ACTL8: variants seen among roughly 807,000 people sequenced by gnomAD.
ACTL8 encodes the protein actin-like protein 8.
In ACTL8, 3 loss-of-function variants were observed where a neutral mutation model predicts 9.3. The ratio of observed to expected loss-of-function variants is 0.32; its 90% CI spans 0.15 to 0.83. ACTL8 has a LOEUF of 0.83. Ranked by LOEUF, ACTL8 falls within the 40% of genes least tolerant of loss-of-function variation. The pLI, the probability that ACTL8 is intolerant of heterozygous loss-of-function variation, is 0.57. For synonymous variants in ACTL8, 224 were observed against 205.9 expected, an observed-to-expected ratio of 1.09 and a Z score of -0.75; for missense variants, 381 against 492.2, an observed-to-expected ratio of 0.77 and a Z score of 2.14.
chr1:17,810,029 C>T (rs1464821747), intron 1 of ACTL8, among the ~76,000 whole-genome samples: 3 of 152,038 alleles, frequency 2.0e-5, no homozygotes, highest in Non-Finnish European at 2.9e-5. Flanking sequence ...TGGATTATTC[C>T]CATCAGCATA....
chr1:17,808,537 T>C (rs527924942), intron 1 of ACTL8, among the ~76,000 whole-genome samples: 1 of 152,354 alleles, frequency 6.6e-6, no homozygotes, highest in South Asian at 2.1e-4. Context: ...CTGTCACTTC[T>C]CTAAGCCTCA....
chr1:17,766,465 C>T lies in ACTL8; in HGVS notation c.-25+10961C>T, dbSNP rs1008935145. Among the ~76,000 whole-genome samples, 6 of 152,194 alleles carry T rather than the reference C, an allele frequency of 3.9e-5. No homozygotes were observed. The East Asian group carries it at 1.2e-3, about 29-fold the overall frequency. Reference sequence around the variant, plus strand: ...TGGGACCTCTTCTGTGCAAATATCCCATTCAAGAGGGCCTCCTGATTATTC... The same window carrying T: ...TGGGACCTCTTCTGTGCAAATATCCTATTCAAGAGGGCCTCCTGATTATTC... On this transcript the variant is annotated intron_variant, in intron 1 of 2. Coordinates refer to ENST00000375406, the MANE Select transcript of ACTL8 (RefSeq NM_030812.3).
At chr1:17,795,560 T>G (rs1369858054) in intron 1 of ACTL8, among the ~76,000 whole-genome samples, 2 of 146,392 alleles carry the variant, frequency 1.4e-5, no homozygotes, top group African/African-American at 5.1e-5. Flanking sequence ...GAAGAAAGAT[T>G]TAGGAGCAAT....
At chr1:17,816,216 T>TTTTTTTTTTTA (rs2066425335) in intron 1 of ACTL8, among the ~76,000 whole-genome samples, 1 of 148,492 alleles carries the variant, frequency 6.7e-6, no homozygotes, top group African/African-American at 2.5e-5. Context: ...TTTTTTTTTT[T>TTTTTTTTTTTA]GAGACCAGGT....
intron 1 of ACTL8, among the ~76,000 whole-genome samples, chr1:17,802,933 C>T (rs371424920): frequency 1.2e-4 from 18 of 152,098 alleles, no homozygotes; most frequent in South Asian, 2.1e-4. Context: ...TGCAGTAAGC[C>T]GAGATCGTGC....
intron 1 of ACTL8, among the ~76,000 whole-genome samples, chr1:17,794,730 C>T (rs1002511135): frequency 6.6e-6 from 1 of 152,174 alleles, no homozygotes; most frequent in Non-Finnish European, 1.5e-5. Flanking sequence ...TTGTCATAAG[C>T]CAATGTTGCC....
Position 17,826,819 on chromosome 1 carries a change from A to G in ACTL8, c.*300A>G. 4.1e-6 allele frequency: 1 copy of G among 242,342 alleles called. No individual in the cohort carries two copies. Among genetic ancestry groups the G allele is most frequent in the Non-Finnish European group, 7.9e-6 (1 of 126,306 alleles). The allele number at this position is 242,342 out of a possible 1,614,324, so 15.0% of individuals were successfully genotyped here. A position where few individuals can be genotyped will look rare whatever the true frequency, so the allele number is the denominator to read the frequency against. On this transcript the variant is annotated 3_prime_UTR_variant, in exon 3 of 3. Coordinates refer to ENST00000375406, the MANE Select transcript of ACTL8 (RefSeq NM_030812.3). This position sits in a 1 kb window ranked among gnomAD's most constrained non-coding sequence, Gnocchi z 4.5. Reference sequence around the variant, plus strand: ...CCATCTCCATGCCTGAGAGCCACTGATTTTTCATTGGCATTTCCCCTGGTT... The same window carrying G: ...CCATCTCCATGCCTGAGAGCCACTGGTTTTTCATTGGCATTTCCCCTGGTT...
intron 1 of ACTL8, among the ~76,000 whole-genome samples, chr1:17,761,390 G>A (rs1208441334): frequency 1.3e-5 from 2 of 152,106 alleles, no homozygotes; most frequent in Admixed American, 6.5e-5. Flanking sequence ...TCCGGGGACT[G>A]AGCTGGGCCG....
chr1:17,826,171 G>A lies in ACTL8; in HGVS notation c.753G>A (p.Met251Ile). ...GCTCCCGCGTGGAGCTGACCCCCATGCAGCGGGTGGCTCCTGAGATGTTCT... is the reference window on the plus strand; with the variant it reads ...GCTCCCGCGTGGAGCTGACCCCCATACAGCGGGTGGCTCCTGAGATGTTCT... ...PDGSRVELTP[M>I]QRVAPEMFFS... Residue 251 changes from methionine (M) to isoleucine (I), a missense_variant, in exon 3 of 3, where the codon ATG becomes ATA. Coordinates refer to ENST00000375406, the MANE Select transcript of ACTL8 (RefSeq NM_030812.3). This position sits in a 1 kb window ranked among gnomAD's most constrained non-coding sequence, Gnocchi z 4.5. 2 of 1,613,042 alleles carry A rather than the reference G, an allele frequency of 1.2e-6. No homozygotes were observed. The highest frequency in any genetic ancestry group is 1.7e-6 in the Non-Finnish European group (2 of 1,179,814).
At chr1:17,761,454 T>C (rs911606891) in intron 1 of ACTL8, among the ~76,000 whole-genome samples, 1 of 152,140 alleles carries the variant, frequency 6.6e-6, no homozygotes. Flanking sequence ...TGGCACAGAC[T>C]CTGTGTGATC....
At chr1:17,784,290 T>C (rs1209759878) in intron 1 of ACTL8, among the ~76,000 whole-genome samples, 1 of 152,164 alleles carries the variant, frequency 6.6e-6, no homozygotes, top group East Asian at 1.9e-4. Flanking sequence ...ACTCACTATC[T>C]TGAGGACAGC....
At chr1:17,764,402 T>A (rs1296943566) in intron 1 of ACTL8, among the ~76,000 whole-genome samples, 1 of 152,208 alleles carries the variant, frequency 6.6e-6, no homozygotes, top group Non-Finnish European at 1.5e-5. Context: ...GGACTGGTCA[T>A]AAAGTCAGCC....
At chr1:17,774,311 G>C (rs112361628) in intron 1 of ACTL8, among the ~76,000 whole-genome samples, 3 of 152,164 alleles carry the variant, frequency 2.0e-5, no homozygotes, top group African/African-American at 7.2e-5. Context: ...CCTTGCCCAC[G>C]CTGGGGGGTG....
Position 17,826,087 on chromosome 1 carries a change from C to T in ACTL8, c.669C>T (p.Asp223=), listed in dbSNP as rs478698. ...YVPQNLGEAL[D]FRERQQSALD... is the part of the protein sequence containing the mutation. Reference sequence around the variant, plus strand: ...CGCAGAATCTGGGGGAGGCCCTGGACTTTCGTGAGAGGCAGCAGAGTGCCT... The same window carrying T: ...CGCAGAATCTGGGGGAGGCCCTGGATTTTCGTGAGAGGCAGCAGAGTGCCT... Residue 223 remains aspartate (D), a synonymous_variant, in exon 3 of 3, where the codon GAC becomes GAT. Transcript: ENST00000375406. This position sits in a 1 kb window ranked among gnomAD's most constrained non-coding sequence, Gnocchi z 4.5. 0.18 allele frequency: 295,650 copies of T among 1,607,992 alleles called. 29,027 individuals carry two copies. The highest frequency in any genetic ancestry group is 0.19 in the East Asian group (8,723 of 44,826).
chr1:17,812,427 CTTTTT>C (rs141182523), intron 1 of ACTL8, among the ~76,000 whole-genome samples: 1 of 122,418 alleles, frequency 8.2e-6, no homozygotes, highest in Admixed American at 9.5e-5. Context: ...ATTTTTTTTC[CTTTTT>C]TTTTTTTTTT....
chr1:17,818,584 C>T (rs1284055306), intron 1 of ACTL8, among the ~76,000 whole-genome samples: 3 of 152,248 alleles, frequency 2.0e-5, no homozygotes, highest in Non-Finnish European at 4.4e-5. Context: ...CCTTGTCTTC[C>T]TCAGGGCCTT....
chr1:17,818,640 C>A (rs1173065047), intron 1 of ACTL8, among the ~76,000 whole-genome samples: 3 of 152,238 alleles, frequency 2.0e-5, no homozygotes, highest in African/African-American at 7.2e-5. Flanking sequence ...CAGGTATTCA[C>A]ATGCCTTATT....
chr1:17,824,005 A>G (rs1221158411), intron 2 of ACTL8, among the ~76,000 whole-genome samples: 1 of 152,198 alleles, frequency 6.6e-6, no homozygotes, highest in Admixed American at 6.5e-5. Flanking sequence ...CCAGGTAGTG[A>G]TGAGTTCTAG....
intron 1 of ACTL8, among the ~76,000 whole-genome samples, chr1:17,776,845 G>A (rs2066121296): frequency 6.6e-6 from 1 of 152,014 alleles, no homozygotes; most frequent in Admixed American, 6.6e-5. Flanking sequence ...TAGCTCCCAG[G>A]CAGGAGTGCA....
Sources: allele counts gnomAD v4.1 joint callset (sites outside exome capture counted in the v4.1 genomes callset), GRCh38; gene constraint gnomAD v4.1.1; non-coding constraint Gnocchi (gnomAD v3.1); transcripts MANE v1.5; gene names NCBI Gene and HGNC (gene_info 2026-07-23, HGNC 2026-07-21).